The following DLG4 variants were observed in gnomAD, a reference collection of about 807,000 sequenced individuals.
DLG4 encodes disks large homolog 4.
DLG4 carries 7 observed loss-of-function variants against 93.8 expected under a neutral mutation model. The observed-to-expected ratio is 0.07, with a 90% CI of 0.04 to 0.14. The LOEUF is 0.14. Among genes scored for constraint, DLG4 ranks in the 10% least tolerant of loss-of-function variants. The pLI is 1.00. For synonymous variants in DLG4, 341 were observed against 387.6 expected, an observed-to-expected ratio of 0.88 and a Z score of 1.41; for missense variants, 545 against 992.9, an observed-to-expected ratio of 0.55 and a Z score of 6.06.
Position 7,191,713 on chromosome 17 carries a change from G to A in DLG4, c.1976+180C>T, listed in dbSNP as rs1281568833. 8.8e-6 allele frequency: 5 copies of A among 567,194 alleles called. No individual in the cohort carries two copies. The highest frequency in any genetic ancestry group is 1.3e-5 in the Non-Finnish European group (4 of 314,684). 35.1% of individuals were successfully genotyped at this position (567,194 alleles called of 1,614,324 possible). On this transcript the variant is annotated intron_variant, in intron 18 of 19. Coordinates refer to ENST00000399506, the MANE Select transcript of DLG4 (RefSeq NM_001321075.3). The surrounding 1 kb of genome is among the most constrained non-coding windows in gnomAD (Gnocchi z 6.6). ...GGAAATGTAGTCCTGTCTAGCCAAG[G>A]CAGGAGAGGAGGGGAAAGACCCGAT...
In DLG4 at chr17:7,217,105, C is replaced by T. The variant is rs934919111; in HGVS notation, c.30+13G>A. ...ACCCTCCCCCCAGTTTATAGCCCCC[C>T]CATCATGCTTACCTTGGTTGTCACT... On this transcript the variant is annotated intron_variant, in intron 1 of 19. Coordinates refer to ENST00000399506, the MANE Select transcript of DLG4 (RefSeq NM_001321075.3). The T allele has an allele frequency of 6.2e-6, 8 of 1,288,106 alleles. No homozygotes were observed. In the African/African-American group the frequency reaches 1.1e-4, roughly 17 times the overall value. The allele number at this position is 1,288,106 out of a possible 1,614,324, so 79.8% of individuals were successfully genotyped here.
chr17:7,219,010 C>T (rs2071065302), upstream of DLG4: 1 of 734,640 alleles, frequency 1.4e-6, no homozygotes, highest in Admixed American at 2.1e-5. Context: ...CCATCTTGCT[C>T]CACACACCCT....
In DLG4 at chr17:7,189,111, CAAA is replaced by C. The variant is rs542699194; in HGVS notation, c.*1594_*1596del. On this transcript the variant is annotated 3_prime_UTR_variant, in exon 20 of 20. Coordinates refer to ENST00000399506, the MANE Select transcript of DLG4 (RefSeq NM_001321075.3). ...TGAGCGAAAGAGCGAAACTCTGTCT[CAAA>C]AAAAAAAAAAAAAGGGTGGGGGGGG... Among the ~76,000 whole-genome samples, 6 of 63,100 alleles carry C rather than the reference CAAA, an allele frequency of 9.5e-5. No individual in the cohort carries two copies. Among genetic ancestry groups the C allele is most frequent in the Non-Finnish European group, 1.2e-4 (4 of 32,946 alleles). 41.4% of individuals were successfully genotyped at this position (63,100 alleles called of 152,430 possible). A position where few individuals can be genotyped will look rare whatever the true frequency, so the allele number is the denominator to read the frequency against.
intron 2 of DLG4, among the ~76,000 whole-genome samples, chr17:7,205,680 CTCATCCACGTGT>C (rs1425683539): frequency 6.6e-6 from 1 of 151,302 alleles, no homozygotes. Context: ...CTGCCAAAAT[CTCATCCACGTGT>C]TCATCCCCCA....
chr17:7,198,787 G>C (rs896767407), intron 8 of DLG4, among the ~76,000 whole-genome samples: 4 of 150,674 alleles, frequency 2.7e-5, no homozygotes, highest in Admixed American at 2.0e-4. Context: ...GGCAGAGGTT[G>C]CAGTGAGCCA....
intron 2 of DLG4, chr17:7,204,493 C>T (rs2070351493): frequency 4.5e-6 from 2 of 443,514 alleles, no homozygotes; most frequent in Admixed American, 4.0e-5. Context: ...CTGCCCAGCC[C>T]GGGGCCCCCT....
Position 7,203,733 on chromosome 17 carries a change from C to A in DLG4, c.294G>T (p.Lys98Asn). 1 of 1,613,912 alleles carries A rather than the reference C, an allele frequency of 6.2e-7. No individual in the cohort carries two copies. Among genetic ancestry groups the A allele is most frequent in the Non-Finnish European group, 8.5e-7 (1 of 1,179,870 alleles). ...GGGCCGCAGCCCCACCAGGAATGAT[C>A]TTGGTGATGAAAATGGATGGGTCGT... ...IGDDPSIFIT[K>N]IIPGGAAAQD... The change falls in exon 5 of 20, where the codon AAG becomes AAT. Residue 98 changes from lysine to asparagine, a missense_variant. This residue lies in a region of DLG4 where 33 missense variants were observed against 107.5 expected (regional missense o/e 0.31). Transcript: ENST00000399506. This position sits in a 1 kb window ranked among gnomAD's most constrained non-coding sequence, Gnocchi z 7.2.
rs1274971280 is a variant in DLG4, at chr17:7,189,328, A to G, written c.*1380T>C. ...AACATGGTGAAACCCCATCTCTACT[A>G]AAAATACAAAATTAGCCAGGCATGG... On this transcript the variant is annotated 3_prime_UTR_variant, in exon 20 of 20. Transcript: ENST00000399506. 1.3e-5 allele frequency among the ~76,000 whole-genome samples: 2 copies of G among 151,694 alleles called. No homozygotes were observed. The highest frequency in any genetic ancestry group is 2.9e-5 in the Non-Finnish European group (2 of 67,910).
In DLG4 at chr17:7,190,649, C is replaced by G. The variant is rs1251397842; in HGVS notation, c.*59G>C. On this transcript the variant is annotated 3_prime_UTR_variant, in exon 20 of 20. Coordinates refer to ENST00000399506, the MANE Select transcript of DLG4 (RefSeq NM_001321075.3). ...GAGCCAAGGGCTTGGGCAATTCAGT[C>G]CAGACCAAGGGCCCAGGTGATGGAG... The G allele has an allele frequency of 7.0e-7, 1 of 1,418,650 alleles. No individual in the cohort carries two copies. Among genetic ancestry groups the G allele is most frequent in the African/African-American group, 1.4e-5 (1 of 70,964 alleles). The allele number at this position is 1,418,650 out of a possible 1,614,324, so 87.9% of individuals were successfully genotyped here.
chr17:7,202,355 C>T (rs1567539520), intron 8 of DLG4, among the ~76,000 whole-genome samples: 1 of 152,194 alleles, frequency 6.6e-6, no homozygotes, highest in Non-Finnish European at 1.5e-5. Flanking sequence ...TGAGCCACCA[C>T]ACTTAGCCTC....
intron 1 of DLG4, among the ~76,000 whole-genome samples, chr17:7,211,984 T>C (rs2070735178): frequency 6.6e-6 from 1 of 152,008 alleles, no homozygotes; most frequent in Non-Finnish European, 1.5e-5. Flanking sequence ...CCCTCTACAA[T>C]TAAAGACAGA....
rs2142810570 is a variant in DLG4 at position 7,191,549 on chromosome 17, G to A, written c.1977-191C>T. On this transcript the variant is annotated intron_variant, in intron 18 of 19. Coordinates refer to ENST00000399506, the MANE Select transcript of DLG4 (RefSeq NM_001321075.3). This position sits in a 1 kb window ranked among gnomAD's most constrained non-coding sequence, Gnocchi z 6.6. ...CCCCCTGCCACCCGCAACCGCCCCA[G>A]CCAGGTGTGGCTACTCCAGGGACAT... 1.6e-6 allele frequency: 1 copy of A among 614,314 alleles called. No individual in the cohort carries two copies. The highest frequency in any genetic ancestry group is 2.9e-6 in the Non-Finnish European group (1 of 345,570). 38.1% of individuals were successfully genotyped at this position (614,314 alleles called of 1,614,324 possible).
intron 2 of DLG4, among the ~76,000 whole-genome samples, chr17:7,206,668 G>A (rs778664576): frequency 6.6e-6 from 1 of 151,990 alleles, no homozygotes; most frequent in Admixed American, 6.6e-5. Context: ...TCCTTTCCTT[G>A]CTCTGTCAGC....
chr17:7,196,014 G>A lies in DLG4; in HGVS notation c.1301+206C>T, dbSNP rs76641744. On this transcript the variant is annotated intron_variant, in intron 11 of 19. Transcript: ENST00000399506. This position sits in a 1 kb window ranked among gnomAD's most constrained non-coding sequence, Gnocchi z 8.3. ...GGGCTAGAAGGCAATTGGGATACTT[G>A]GGGCAGAGGCTATTTTCCCATCGAC... 8.1e-4 allele frequency among the ~76,000 whole-genome samples: 123 copies of A among 152,330 alleles called. No individual in the cohort carries two copies. The highest frequency in any genetic ancestry group is 2.8e-3 in the African/African-American group (118 of 41,598).
At chr17:7,213,828 C>T in intron 1 of DLG4, 1 of 471,180 alleles carries the variant, frequency 2.1e-6, no homozygotes, top group South Asian at 1.5e-5. Flanking sequence ...CGTTGATCGG[C>T]ATCTGTTACA....
chr17:7,218,186 C>G, upstream of DLG4: 1 of 1,500,792 alleles, frequency 6.7e-7, no homozygotes, highest in South Asian at 1.2e-5. Flanking sequence ...TTTGGCTCAC[C>G]CCTCCAGCCC....
intron 8 of DLG4, among the ~76,000 whole-genome samples, chr17:7,202,092 T>A (rs2070167324): frequency 6.6e-6 from 1 of 152,156 alleles, no homozygotes; most frequent in Admixed American, 6.6e-5. Context: ...GATAATCACA[T>A]CGTTTTCTCC....
intron 8 of DLG4, among the ~76,000 whole-genome samples, chr17:7,198,083 TC>T (rs1244640644): frequency 2.0e-5 from 3 of 152,166 alleles, no homozygotes; most frequent in Non-Finnish European, 4.4e-5. Context: ...CATCAGCCTT[TC>T]AGGTAAGTTT....
chr17:7,219,875 C>G (rs78514016), upstream of DLG4: 6 of 1,540,592 alleles, frequency 3.9e-6, no homozygotes, highest in Non-Finnish European at 5.2e-6. Flanking sequence ...CCGTCCGCCG[C>G]CCGGTGCACT....
Sources: gnomAD v4.1 joint callset for allele counts (sites outside exome capture counted in the v4.1 genomes callset) on GRCh38, gnomAD v4.1.1 for gene constraint, gnomAD v4.1.1 regional missense constraint, Gnocchi (gnomAD v3.1) non-coding constraint, MANE v1.5 for transcripts, NCBI Gene and HGNC (gene_info 2026-07-23, HGNC 2026-07-21) for gene names.